Variants in PRKCH observed in about 807,000 individuals in gnomAD.
The protein encoded by PRKCH is protein kinase C eta type.
Under a neutral mutation model 82.5 loss-of-function variants are expected in PRKCH, and 28 were observed. That is an observed-to-expected ratio of 0.34 (90% confidence interval 0.25 to 0.47). PRKCH has a LOEUF of 0.47. Ranked by LOEUF, PRKCH falls within the 20% of genes least tolerant of loss-of-function variation. PRKCH has a pLI of 1.00. For synonymous variants in PRKCH, 322 were observed against 327.4 expected (o/e 0.98, Z 0.18); for missense variants, 705 against 881.8 (o/e 0.80, Z 2.54).
chr14:61,534,283 C>T (rs1027152619), intron 12 of PRKCH, among the ~76,000 whole-genome samples: 23 of 152,182 alleles, frequency 1.5e-4, no homozygotes, highest in African/African-American at 5.3e-4. Context: ...AGCAGCATTA[C>T]GTACAATAGC....
At chr14:61,392,987 A>G (rs1481611544) in intron 2 of PRKCH, among the ~76,000 whole-genome samples, 1 of 152,062 alleles carries the variant, frequency 6.6e-6, no homozygotes, top group South Asian at 2.1e-4. Flanking sequence ...AGCACCATTT[A>G]TTAAAAGTCT....
At chr14:61,452,260 G>A (rs1884546610) in intron 6 of PRKCH, among the ~76,000 whole-genome samples, 1 of 152,072 alleles carries the variant, frequency 6.6e-6, no homozygotes, top group African/African-American at 2.4e-5. Flanking sequence ...TTAAGTCTCA[G>A]GGCTCCTCTC....
chr14:61,488,045 C>T (rs1002126378), intron 10 of PRKCH, among the ~76,000 whole-genome samples: 5 of 151,646 alleles, frequency 3.3e-5, no homozygotes, highest in Admixed American at 6.6e-5. Flanking sequence ...CCCAGCTACT[C>T]GGGAGGCTGA....
chr14:61,250,781 AC>A (rs537340791), intron 1 of PRKCH, among the ~76,000 whole-genome samples: 141 of 152,278 alleles, frequency 9.3e-4, no homozygotes, highest in Non-Finnish European at 1.6e-3. Context: ...TAACAAATGT[AC>A]CACTTTGGTG....
At chr14:61,297,779 C>T (rs575387817) in intron 1 of PRKCH, among the ~76,000 whole-genome samples, 10 of 152,254 alleles carry the variant, frequency 6.6e-5, no homozygotes, top group Non-Finnish European at 1.0e-4. Flanking sequence ...GGTTCCTAAC[C>T]GGCCACAGGA....
chr14:61,495,569 A>G (rs1886633873), intron 10 of PRKCH, among the ~76,000 whole-genome samples: 1 of 152,254 alleles, frequency 6.6e-6, no homozygotes, highest in Admixed American at 6.5e-5. Context: ...ATGTTTATGA[A>G]AAGTCTACCC....
At chr14:61,484,764 CTTTTT>C (rs375542490) in intron 9 of PRKCH, among the ~76,000 whole-genome samples, 1 of 121,200 alleles carries the variant, frequency 8.3e-6, no homozygotes, top group Admixed American at 8.6e-5. Context: ...ATTTGGCTTC[CTTTTT>C]TTTTTTTTTT....
At chr14:61,412,448 G>C (rs994010891) in intron 2 of PRKCH, among the ~76,000 whole-genome samples, 2 of 152,042 alleles carry the variant, frequency 1.3e-5, no homozygotes, top group Non-Finnish European at 2.9e-5. Context: ...ACCTGAACCT[G>C]GCCCCTGCTA....
chr14:61,207,091 A>C (rs1304509336), intron 1 of PRKCH, among the ~76,000 whole-genome samples: 2 of 125,424 alleles, frequency 1.6e-5, no homozygotes, highest in African/African-American at 3.0e-5. Flanking sequence ...GGGCAACCAG[A>C]GTGAAACTCC....
At chr14:61,451,796 G>A (rs1884520491) in intron 6 of PRKCH, among the ~76,000 whole-genome samples, 1 of 152,208 alleles carries the variant, frequency 6.6e-6, no homozygotes, top group South Asian at 2.1e-4. Context: ...ATTGGCATGA[G>A]TATAGCCAGA....
At chr14:61,409,143 G>A (rs1247730681) in intron 2 of PRKCH, among the ~76,000 whole-genome samples, 2 of 152,158 alleles carry the variant, frequency 1.3e-5, no homozygotes, top group African/African-American at 4.8e-5. Context: ...GCCTCTCCTG[G>A]TGAGGACCGA....
At chr14:61,321,454 G>A (rs1028406628), upstream of PRKCH, among the ~76,000 whole-genome samples, 28 of 152,328 alleles carry the variant, frequency 1.8e-4, no homozygotes, top group African/African-American at 6.3e-4. The surrounding 1 kb of genome is among the most constrained non-coding windows in gnomAD (Gnocchi z 4.1). Context: ...GGCGCGCAGG[G>A]CGGCGCAAGC....
chr14:61,294,612 A>T (rs994975543), intron 1 of PRKCH, among the ~76,000 whole-genome samples: 1 of 152,042 alleles, frequency 6.6e-6, no homozygotes, highest in Non-Finnish European at 1.5e-5. Context: ...TTATTGATGG[A>T]ATATAAGATG....
chr14:61,396,662 G>T (rs1331580888), intron 2 of PRKCH, among the ~76,000 whole-genome samples: 1 of 152,182 alleles, frequency 6.6e-6, no homozygotes, highest in African/African-American at 2.4e-5. Flanking sequence ...TTTAAAACAA[G>T]TCTGAATGAT....
At chr14:61,439,346 T>C (rs998179829) in intron 2 of PRKCH, among the ~76,000 whole-genome samples, 2 of 152,124 alleles carry the variant, frequency 1.3e-5, no homozygotes, top group Non-Finnish European at 2.9e-5. Flanking sequence ...GTCTAGAACA[T>C]GGTGACAGTG....
At chr14:61,491,451 GC>G (rs1322060612) in intron 10 of PRKCH, among the ~76,000 whole-genome samples, 1 of 152,212 alleles carries the variant, frequency 6.6e-6, no homozygotes, top group Non-Finnish European at 1.5e-5. Context: ...TTGGCTGTGA[GC>G]CCTCACCTGG....
At chr14:61,324,464 T>G (rs956181644) in intron 1 of PRKCH, among the ~76,000 whole-genome samples, 23 of 152,310 alleles carry the variant, frequency 1.5e-4, no homozygotes, top group African/African-American at 2.9e-4. Flanking sequence ...TTTTGTTGTT[T>G]TTTTTAAAAA....
intron 1 of PRKCH, chr14:61,305,160 T>C (rs1327387266): frequency 6.6e-6 from 1 of 152,108 alleles, no homozygotes; most frequent in African/African-American, 2.4e-5. Flanking sequence ...TCTTTTTCCT[T>C]TCTTTTACTG....
At chr14:61,372,406 T>A (rs928972005) in intron 1 of PRKCH, among the ~76,000 whole-genome samples, 1 of 152,156 alleles carries the variant, frequency 6.6e-6, no homozygotes, top group Non-Finnish European at 1.5e-5. Context: ...TTCATGCTAA[T>A]GTTTTCAACT....
Sources: allele counts gnomAD v4.1 joint callset (sites outside exome capture counted in the v4.1 genomes callset), GRCh38; gene constraint gnomAD v4.1.1; non-coding constraint Gnocchi (gnomAD v3.1); transcripts MANE v1.5; gene names NCBI Gene and HGNC (gene_info 2026-07-23, HGNC 2026-07-21).